The following SWT1 variants were observed in gnomAD, a reference collection of about 807,000 sequenced individuals.
The protein encoded by SWT1 is SWT1 RNA endoribonuclease homolog.
In SWT1, 33 loss-of-function variants were observed where a neutral mutation model predicts 107.3. The ratio of observed to expected loss-of-function variants is 0.31; its 90% CI spans 0.23 to 0.41. The LOEUF is 0.41. Ranked by LOEUF, SWT1 falls within the 10% of genes least tolerant of loss-of-function variation. SWT1 has a pLI of 1.00. For missense variants in SWT1, 898 were observed against 1,028.9 expected, an observed-to-expected ratio of 0.87 and a Z score of 1.74; for synonymous variants, 345 against 348.3, an observed-to-expected ratio of 0.99 and a Z score of 0.11.
chr1:185,206,146 A>C lies in SWT1; in HGVS notation c.1834-479A>C, dbSNP rs539491176. Among the ~76,000 whole-genome samples the C allele has an allele frequency of 2.0e-5, 3 of 152,094 alleles. No homozygotes were observed. The East Asian group carries it at 5.8e-4, about 29-fold the overall frequency. On this transcript the variant is annotated intron_variant, in intron 12 of 18. Coordinates refer to ENST00000367500, the MANE Select transcript of SWT1 (RefSeq NM_017673.7). ...GCTAATTTTTGCATTTTTAGTAGCT[A>C]TGGGGTTTCACCATGTTGGCCAGGC...
rs1251454000 is a variant in SWT1 at position 185,184,202 on chromosome 1, C to T, written c.1139-41C>T. The T allele has an allele frequency of 1.7e-5, 18 of 1,034,196 alleles. No individual in the cohort carries two copies. In the East Asian group the frequency reaches 4.4e-4, roughly 25 times the overall value. 64.1% of individuals were successfully genotyped at this position (1,034,196 alleles called of 1,614,324 possible). Reference sequence around the variant, plus strand: ...TCAAAATTTTAGTCATTATATAAGTCTGTTATCAAGTGTCATGAAATATTT... The same window carrying T: ...TCAAAATTTTAGTCATTATATAAGTTTGTTATCAAGTGTCATGAAATATTT... On this transcript the variant is annotated intron_variant, in intron 7 of 18. Transcript: ENST00000367500.
intron 13 of SWT1, among the ~76,000 whole-genome samples, chr1:185,209,510 T>C (rs1255970868): frequency 6.6e-6 from 1 of 152,226 alleles, no homozygotes; most frequent in African/African-American, 2.4e-5. Flanking sequence ...TTGCTGAGAA[T>C]GATGGTTTCC....
At chr1:185,226,925 C>T (rs1225641782) in intron 15 of SWT1, 5 of 1,130,774 alleles carry the variant, frequency 4.4e-6, no homozygotes, top group Admixed American at 2.1e-5. Flanking sequence ...TAACTTCTTT[C>T]TGCGGCGTCT....
intron 2 of SWT1, among the ~76,000 whole-genome samples, chr1:185,161,859 A>G (rs529190130): frequency 6.6e-6 from 1 of 152,288 alleles, no homozygotes; most frequent in East Asian, 1.9e-4. Context: ...GTAGTTGATC[A>G]TCAGTATTAG....
chr1:185,218,102 T>A (rs950609131), intron 14 of SWT1, among the ~76,000 whole-genome samples: 7 of 152,200 alleles, frequency 4.6e-5, no homozygotes, highest in Non-Finnish European at 1.0e-4. Flanking sequence ...TAGAATGTAT[T>A]AGATTTGATA....
intron 5 of SWT1, among the ~76,000 whole-genome samples, chr1:185,179,638 C>G (rs1451196555): frequency 6.6e-6 from 1 of 152,162 alleles, no homozygotes; most frequent in East Asian, 1.9e-4. Flanking sequence ...GACTTAGTTG[C>G]TCCTGGATGA....
chr1:185,177,099 G>A, intron 5 of SWT1: 1 of 955,188 alleles, frequency 1.0e-6, no homozygotes, highest in Non-Finnish European at 1.2e-6. Flanking sequence ...TTTAGTTTAA[G>A]TGAACTGGAA....
At chr1:185,201,209 A>C (rs1486127670) in intron 10 of SWT1, among the ~76,000 whole-genome samples, 1 of 151,886 alleles carries the variant, frequency 6.6e-6, no homozygotes, top group Non-Finnish European at 1.5e-5. Context: ...AGATCCACGG[A>C]GCTAGACCAC....
At chr1:185,200,714 G>A (rs1036737280) in intron 10 of SWT1, among the ~76,000 whole-genome samples, 1 of 152,206 alleles carries the variant, frequency 6.6e-6, no homozygotes, top group Non-Finnish European at 1.5e-5. Flanking sequence ...CTCTTAGTTA[G>A]GGGGCACGAG....
Position 185,174,980 on chromosome 1 carries a change from A to C in SWT1, c.833A>C (p.Asn278Thr). 1 of 1,614,060 alleles carries C rather than the reference A, an allele frequency of 6.2e-7. No homozygotes were observed. Among genetic ancestry groups the C allele is most frequent in the Non-Finnish European group, 8.5e-7 (1 of 1,179,992 alleles). ...CTGGAAAGCTCCCAGGTTTCATTAA[A>C]TGTGACTAGGCAGAAAACTGAACAT... is the stretch of plus-strand genomic sequence containing the variant. ...EYLESSQVSL[N>T]VTRQKTEHLL... The change falls in exon 5 of 19, where the codon AAT becomes ACT. Residue 278 changes from asparagine to threonine, a missense_variant. Physicochemically the swap from Asn to Thr is moderately conservative, Grantham distance 65. This residue lies in a region of SWT1 where 382 missense variants were observed against 362.4 expected (regional missense o/e 1.05). Transcript: ENST00000367500.
chr1:185,186,320 G>A (rs1437013181), intron 9 of SWT1, among the ~76,000 whole-genome samples: 1 of 152,124 alleles, frequency 6.6e-6, no homozygotes, highest in Non-Finnish European at 1.5e-5. Context: ...TCACAGCACT[G>A]CATGGCTTTA....
chr1:185,218,671 A>G (rs1427153750), intron 14 of SWT1, among the ~76,000 whole-genome samples: 2 of 152,110 alleles, frequency 1.3e-5, no homozygotes, highest in African/African-American at 2.4e-5. Flanking sequence ...CTTTCGTTTT[A>G]TGGGCCTTCT....
At chr1:185,286,754 T>C (rs1309370633) in intron 18 of SWT1, among the ~76,000 whole-genome samples, 2 of 152,182 alleles carry the variant, frequency 1.3e-5, no homozygotes, top group Non-Finnish European at 1.5e-5. Flanking sequence ...ATTATTCTGT[T>C]TCTTTGTTTC....
chr1:185,247,495 GA>G (rs1452598168), intron 16 of SWT1, among the ~76,000 whole-genome samples: 11 of 152,110 alleles, frequency 7.2e-5, no homozygotes, highest in Non-Finnish European at 1.6e-4. Flanking sequence ...AAGTTGTTTA[GA>G]AAAAAAGTTG....
intron 13 of SWT1, among the ~76,000 whole-genome samples, chr1:185,208,771 A>G (rs1439300720): frequency 1.7e-4 from 25 of 148,618 alleles, no homozygotes; most frequent in Middle Eastern, 3.2e-3. Flanking sequence ...TCCTAACATG[A>G]TGCATTTACT....
chr1:185,223,861 C>T (rs1227304483), intron 15 of SWT1, among the ~76,000 whole-genome samples: 3 of 152,112 alleles, frequency 2.0e-5, no homozygotes, highest in East Asian at 3.8e-4. Context: ...CATGTGTTCT[C>T]ATCATTTAGC....
At chr1:185,190,703 A>G (rs1392553837) in intron 10 of SWT1, 61 bp downstream of exon 10, 2 of 1,020,352 alleles carry the variant, frequency 2.0e-6, no homozygotes, top group African/African-American at 1.6e-5. Flanking sequence ...ATTTAAAAAA[A>G]TCATATGGTA....
intron 16 of SWT1, among the ~76,000 whole-genome samples, chr1:185,260,321 G>A (rs1238245921): frequency 6.6e-6 from 1 of 152,150 alleles, no homozygotes; most frequent in Non-Finnish European, 1.5e-5. Flanking sequence ...GAGTACTCAT[G>A]CTTTTCTTTT....
chr1:185,190,488 A>C (rs747857458), intron 9 of SWT1, 61 bp from the exon 10 acceptor site: 49 of 946,558 alleles, frequency 5.2e-5, no homozygotes, highest in Middle Eastern at 2.2e-4. Flanking sequence ...AGCCTAGATT[A>C]TTTCTGTGTC....
Sources: allele counts gnomAD v4.1 joint callset (sites outside exome capture counted in the v4.1 genomes callset), GRCh38; gene constraint gnomAD v4.1.1; regional missense constraint gnomAD v4.1.1; transcripts MANE v1.5; gene names NCBI Gene and HGNC (gene_info 2026-07-23, HGNC 2026-07-21).